TENM2: variants seen among roughly 807,000 people sequenced by gnomAD.
TENM2 encodes teneurin transmembrane protein 2.
Under a neutral mutation model 245.2 loss-of-function variants are expected in TENM2, and 52 were observed. The observed-to-expected ratio is 0.21, with a 90% confidence interval of 0.17 to 0.27. The LOEUF is 0.27. Ranked by LOEUF, TENM2 falls within the 10% of genes least tolerant of loss-of-function variation. TENM2 has a pLI of 1.00. For synonymous variants in TENM2, 1,363 were observed against 1,438.9 expected, an observed-to-expected ratio of 0.95 and a Z score of 1.19; for missense variants, 3,046 against 3,666.8, an observed-to-expected ratio of 0.83 and a Z score of 4.37.
chr5:167,235,107 G>A, the TENM2 span, among the ~76,000 whole-genome samples: 1 of 152,164 alleles, frequency 6.6e-6, no homozygotes. Flanking sequence ...AGCAGGGTTG[G>A]TTTCTTCTGA....
At chr5:167,391,591 C>T (rs945335625) in intron 2 of TENM2, among the ~76,000 whole-genome samples, 3 of 138,402 alleles carry the variant, frequency 2.2e-5, no homozygotes, top group African/African-American at 8.2e-5. Flanking sequence ...TGCCACTGCA[C>T]TCCAGACTGG....
At chr5:167,348,203 C>G (rs1299730819) in intron 1 of TENM2, among the ~76,000 whole-genome samples, 3 of 152,176 alleles carry the variant, frequency 2.0e-5, no homozygotes, top group Non-Finnish European at 2.9e-5. Context: ...GATTTACAAT[C>G]CGAGGCCAAA....
intron 13 of TENM2, among the ~76,000 whole-genome samples, chr5:168,172,028 A>G (rs545328152): frequency 6.6e-6 from 1 of 152,316 alleles, no homozygotes; most frequent in African/African-American, 2.4e-5. Context: ...CCCCAAGTCC[A>G]GACCAGTGGT....
intron 2 of TENM2, among the ~76,000 whole-genome samples, chr5:167,737,095 C>T (rs926694874): frequency 6.6e-6 from 1 of 152,202 alleles, no homozygotes; most frequent in Non-Finnish European, 1.5e-5. Flanking sequence ...CAACTCCTGT[C>T]GCTCCCGATC....
At chr5:167,127,784 T>C in the TENM2 span, among the ~76,000 whole-genome samples, 1 of 152,148 alleles carries the variant, frequency 6.6e-6, no homozygotes, top group African/African-American at 2.4e-5. Context: ...GCTTTTTTGT[T>C]CAACAAAGCA....
chr5:167,646,361 G>A (rs966383004), intron 2 of TENM2, among the ~76,000 whole-genome samples: 3 of 150,966 alleles, frequency 2.0e-5, no homozygotes, highest in Admixed American at 2.0e-4. Flanking sequence ...ATTTTCTGAT[G>A]GTATCAGTGA....
chr5:168,217,760 G>A (rs1380672670), intron 22 of TENM2, among the ~76,000 whole-genome samples: 2 of 152,152 alleles, frequency 1.3e-5, no homozygotes, highest in Non-Finnish European at 1.5e-5. Context: ...TCTGCTTGGA[G>A]AGCAGAGTAT....
chr5:167,068,917 A>G, the TENM2 span, among the ~76,000 whole-genome samples: 1 of 152,232 alleles, frequency 6.6e-6, no homozygotes, highest in Non-Finnish European at 1.5e-5. Flanking sequence ...CTGAAGTTCT[A>G]AAACAGTTAT....
the TENM2 span, among the ~76,000 whole-genome samples, chr5:166,983,398 C>T: frequency 3.7e-3 from 564 of 152,150 alleles, 18 homozygotes; most frequent in South Asian, 0.057. Flanking sequence ...GCCCACCTCT[C>T]CTAAGTATAG....
chr5:167,491,701 ACT>A (rs1768437064), intron 2 of TENM2, among the ~76,000 whole-genome samples: 1 of 151,868 alleles, frequency 6.6e-6, no homozygotes, highest in South Asian at 2.1e-4. Context: ...CCAGCTCTCC[ACT>A]CTCTTGTTTG....
At chr5:167,829,236 A>C (rs559871464) in intron 2 of TENM2, among the ~76,000 whole-genome samples, 62 of 152,258 alleles carry the variant, frequency 4.1e-4, no homozygotes, top group Non-Finnish European at 4.4e-5. Flanking sequence ...GGAATTAAAA[A>C]TGGAGGTCCC....
chr5:168,123,500 C>A (rs1338129053), intron 10 of TENM2, among the ~76,000 whole-genome samples: 1 of 152,142 alleles, frequency 6.6e-6, no homozygotes. Flanking sequence ...GGAGAGAAAA[C>A]AAAATTTTCT....
At chr5:167,717,128 G>GT (rs1759326304) in intron 2 of TENM2, among the ~76,000 whole-genome samples, 1 of 151,660 alleles carries the variant, frequency 6.6e-6, no homozygotes, top group African/African-American at 2.4e-5. Context: ...CTAATTTTTT[G>GT]TATGTTTAGT....
the TENM2 span, among the ~76,000 whole-genome samples, chr5:167,140,906 A>G: frequency 6.6e-6 from 1 of 152,168 alleles, no homozygotes; most frequent in Non-Finnish European, 1.5e-5. Context: ...TCTCTATACT[A>G]CCATTAAAAC....
intron 2 of TENM2, among the ~76,000 whole-genome samples, chr5:167,474,419 C>T (rs548087309): frequency 6.6e-6 from 1 of 152,220 alleles, no homozygotes; most frequent in East Asian, 1.9e-4. Flanking sequence ...TTCCAATCCA[C>T]AAGAACCTGT....
At chr5:168,053,028 A>G (rs779328821) in intron 6 of TENM2, among the ~76,000 whole-genome samples, 1 of 152,124 alleles carries the variant, frequency 6.6e-6, no homozygotes, top group Non-Finnish European at 1.5e-5. Context: ...CAGCCTCTCA[A>G]TGAACACAGC....
chr5:167,380,572 GT>G (rs1416928923), intron 2 of TENM2, among the ~76,000 whole-genome samples: 3 of 152,034 alleles, frequency 2.0e-5, no homozygotes, highest in Non-Finnish European at 4.4e-5. Context: ...TTTCTTTCAT[GT>G]TTGTTAATGC....
intron 5 of TENM2, among the ~76,000 whole-genome samples, chr5:167,999,977 G>T (rs1283234838): frequency 2.0e-5 from 3 of 152,202 alleles, no homozygotes; most frequent in African/African-American, 7.2e-5. Flanking sequence ...TTGAGTAAAT[G>T]AATATGGAGA....
intron 2 of TENM2, among the ~76,000 whole-genome samples, chr5:167,834,067 A>G (rs1047210777): frequency 6.8e-6 from 1 of 146,608 alleles, no homozygotes; most frequent in Non-Finnish European, 1.5e-5. Context: ...GCTTTTATGG[A>G]GCTGACATTC....
Sources: allele counts gnomAD v4.1 joint callset (sites outside exome capture counted in the v4.1 genomes callset), GRCh38; gene constraint gnomAD v4.1.1; transcripts MANE v1.5; gene names NCBI Gene and HGNC (gene_info 2026-07-23, HGNC 2026-07-21).